Variants in NKAIN2 observed in about 807,000 individuals in gnomAD.
NKAIN2 encodes sodium/potassium-transporting ATPase subunit beta-1-interacting protein 2.
In NKAIN2, 14 loss-of-function variants were observed where a neutral mutation model predicts 32.6. The observed-to-expected ratio is 0.43, with a 90% CI of 0.28 to 0.67. The LOEUF (loss-of-function observed/expected upper bound fraction) is 0.67. Among genes scored for constraint, NKAIN2 ranks in the 30% least tolerant of loss-of-function variants. NKAIN2 has a pLI of 0.17. For synonymous variants in NKAIN2, 80 were observed against 87.2 expected (o/e 0.92, Z 0.46); for missense variants, 198 against 258.3 (o/e 0.77, Z 1.60).
At chr6:123,879,509 G>A (rs1773348448) in intron 1 of NKAIN2, among the ~76,000 whole-genome samples, 1 of 152,170 alleles carries the variant, frequency 6.6e-6, no homozygotes, top group African/African-American at 2.4e-5. Context: ...AGTGCTCCAG[G>A]TTATTGACAC....
At chr6:123,951,707 T>A (rs1400843271) in intron 1 of NKAIN2, among the ~76,000 whole-genome samples, 1 of 151,876 alleles carries the variant, frequency 6.6e-6, no homozygotes, top group African/African-American at 2.4e-5. Context: ...TTGGGTCACT[T>A]TTTTAGTCTA....
intron 1 of NKAIN2, among the ~76,000 whole-genome samples, chr6:124,181,400 G>T (rs1789441040): frequency 6.6e-6 from 1 of 152,026 alleles, no homozygotes; most frequent in African/African-American, 2.4e-5. Flanking sequence ...CCCTCATTTT[G>T]CAAATTTCTG....
chr6:124,795,669 A>G (rs1384375862), intron 5 of NKAIN2, among the ~76,000 whole-genome samples: 1 of 152,180 alleles, frequency 6.6e-6, no homozygotes, highest in Non-Finnish European at 1.5e-5. Context: ...AAGTCCATCA[A>G]GGTACCGGCA....
At chr6:124,707,119 C>A (rs1452295169) in intron 4 of NKAIN2, among the ~76,000 whole-genome samples, 2 of 151,086 alleles carry the variant, frequency 1.3e-5, no homozygotes, top group Non-Finnish European at 2.9e-5. Flanking sequence ...CGATAGTTTA[C>A]TGAGAATGAT....
chr6:124,725,431 T>A (rs1181572876), intron 4 of NKAIN2, among the ~76,000 whole-genome samples: 2 of 152,112 alleles, frequency 1.3e-5, no homozygotes, highest in East Asian at 1.9e-4. Flanking sequence ...GTCTTTGAGT[T>A]ATTTGGGCCT....
chr6:124,407,782 C>A (rs1355425648), intron 3 of NKAIN2, among the ~76,000 whole-genome samples: 1 of 151,524 alleles, frequency 6.6e-6, no homozygotes, highest in Non-Finnish European at 1.5e-5. Context: ...CTGACTTCCA[C>A]AATGGTTGAA....
intron 1 of NKAIN2, among the ~76,000 whole-genome samples, chr6:124,163,972 A>T (rs1788402741): frequency 6.6e-6 from 1 of 152,040 alleles, no homozygotes; most frequent in South Asian, 2.1e-4. Flanking sequence ...ATTTGAAGTG[A>T]ACTGAGTCCT....
At chr6:123,883,812 G>A (rs1406233787) in intron 1 of NKAIN2, among the ~76,000 whole-genome samples, 3 of 140,926 alleles carry the variant, frequency 2.1e-5, no homozygotes, top group Admixed American at 1.5e-4. Context: ...GGAGAATTGC[G>A]TGAACCTGGG....
intron 2 of NKAIN2, among the ~76,000 whole-genome samples, chr6:124,351,473 C>T (rs1299132233): frequency 2.2e-5 from 3 of 136,376 alleles, no homozygotes; most frequent in Admixed American, 8.0e-5. Context: ...GCCTTCCAGC[C>T]GGGGTGGCAG....
At chr6:124,515,672 C>T (rs949523158) in intron 3 of NKAIN2, among the ~76,000 whole-genome samples, 1 of 151,952 alleles carries the variant, frequency 6.6e-6, no homozygotes, top group East Asian at 1.9e-4. Context: ...GACAAACATC[C>T]AAACTATAGC....
chr6:123,969,818 G>A (rs1182725422), intron 1 of NKAIN2, among the ~76,000 whole-genome samples: 1 of 152,100 alleles, frequency 6.6e-6, no homozygotes, highest in Non-Finnish European at 1.5e-5. Flanking sequence ...AGAGGAAAAG[G>A]GATTTGGAAT....
chr6:124,049,777 C>T (rs1457480981), intron 1 of NKAIN2, among the ~76,000 whole-genome samples: 1 of 151,976 alleles, frequency 6.6e-6, no homozygotes, highest in Non-Finnish European at 1.5e-5. Context: ...AGTCGCTGCT[C>T]AAGGATCAAC....
intron 1 of NKAIN2, among the ~76,000 whole-genome samples, chr6:123,963,993 A>G (rs1777967438): frequency 6.6e-6 from 1 of 152,148 alleles, no homozygotes; most frequent in African/African-American, 2.4e-5. Flanking sequence ...ATAGAGGCCA[A>G]ACATTGTTCT....
At chr6:123,850,276 C>A (rs1166081128) in intron 1 of NKAIN2, among the ~76,000 whole-genome samples, 3 of 150,478 alleles carry the variant, frequency 2.0e-5, no homozygotes, top group African/African-American at 4.9e-5. Flanking sequence ...ACCTAAGATA[C>A]CTCAGAGTAG....
chr6:124,342,512 T>C (rs1798174856), intron 2 of NKAIN2, among the ~76,000 whole-genome samples: 1 of 151,884 alleles, frequency 6.6e-6, no homozygotes, highest in South Asian at 2.1e-4. Context: ...TTTGTTGTTT[T>C]TTCTTTTATT....
At chr6:124,078,782 G>GTT (rs1254571705) in intron 1 of NKAIN2, among the ~76,000 whole-genome samples, 7 of 122,876 alleles carry the variant, frequency 5.7e-5, no homozygotes, top group Non-Finnish European at 1.0e-4. Context: ...TGGCTATGTC[G>GTT]TTTTTGTGTG....
intron 2 of NKAIN2, among the ~76,000 whole-genome samples, chr6:124,284,712 T>C (rs1028652938): frequency 4.1e-4 from 63 of 152,016 alleles, no homozygotes; most frequent in Non-Finnish European, 1.5e-4. Flanking sequence ...GAAAAGTCCC[T>C]AGCACCGTGC....
At chr6:124,757,353 T>C (rs151266790) in intron 4 of NKAIN2, among the ~76,000 whole-genome samples, 19 of 152,254 alleles carry the variant, frequency 1.2e-4, no homozygotes, top group Admixed American at 5.2e-4. Flanking sequence ...GCTTCAACAT[T>C]CCTGTCACTC....
intron 1 of NKAIN2, among the ~76,000 whole-genome samples, chr6:124,177,985 G>A (rs1582797513): frequency 1.3e-4 from 1 of 7,776 alleles, no homozygotes; most frequent in African/African-American, 3.3e-4. Flanking sequence ...GGGTTTCACC[G>A]TTTTAGCCGG....
Sources: gnomAD v4.1 joint callset for allele counts (sites outside exome capture counted in the v4.1 genomes callset) on GRCh38, gnomAD v4.1.1 for gene constraint, MANE v1.5 for transcripts, NCBI Gene and HGNC (gene_info 2026-07-23, HGNC 2026-07-21) for gene names.